CACNB2: variants seen among roughly 807,000 people sequenced by gnomAD.
The protein encoded by CACNB2 is calcium voltage-gated channel auxiliary subunit beta 2.
Under a neutral mutation model 73.3 loss-of-function variants are expected in CACNB2, and 42 were observed. The ratio of observed to expected loss-of-function variants is 0.57; its 90% confidence interval spans 0.45 to 0.74. The LOEUF (loss-of-function observed/expected upper bound fraction) is 0.74, where lower values mean the gene tolerates loss of function less well. CACNB2 is among the 30% of genes least tolerant of loss of function. CACNB2 has a pLI of 0.00. For missense variants in CACNB2, 940 were observed against 853.0 expected (o/e 1.10, Z -1.27); for synonymous variants, 348 against 310.3 (o/e 1.12, Z -1.28).
At chr10:18,260,686 G>C (rs2037496579) in intron 2 of CACNB2, 1 of 991,654 alleles carries the variant, frequency 1.0e-6, no homozygotes, top group African/African-American at 1.7e-5. Context: ...ACGTTACAGA[G>C]GTAACAGTGA....
chr10:18,144,936 T>C (rs1014061969), intron 1 of CACNB2, among the ~76,000 whole-genome samples: 4 of 152,076 alleles, frequency 2.6e-5, no homozygotes, highest in Non-Finnish European at 5.9e-5. Flanking sequence ...TGCGTGAAGG[T>C]TGGGTGAACG....
At chr10:18,424,315 G>T (rs1027947786) in intron 3 of CACNB2, among the ~76,000 whole-genome samples, 2 of 152,072 alleles carry the variant, frequency 1.3e-5, no homozygotes, top group Non-Finnish European at 2.9e-5. Flanking sequence ...AACAGCTGAG[G>T]GGAGTTTTGC....
At chr10:18,464,973 G>C (rs768760049) in intron 3 of CACNB2, among the ~76,000 whole-genome samples, 28 of 152,322 alleles carry the variant, frequency 1.8e-4, no homozygotes, top group East Asian at 1.3e-3. Context: ...AGGTGACTTC[G>C]TCTTGGGACT....
intron 2 of CACNB2, among the ~76,000 whole-genome samples, chr10:18,208,402 T>C (rs1219140993): frequency 6.6e-6 from 1 of 152,050 alleles, no homozygotes; most frequent in Admixed American, 6.6e-5. Flanking sequence ...CGCTTGAGCC[T>C]GGGAGTTCGA....
At chr10:18,433,991 G>C (rs1328348047) in intron 3 of CACNB2, among the ~76,000 whole-genome samples, 2 of 152,050 alleles carry the variant, frequency 1.3e-5, no homozygotes, top group Non-Finnish European at 2.9e-5. Flanking sequence ...ATTCCAGCAA[G>C]AGCTTCGGTA....
At chr10:18,378,745 A>T (rs374013802) in intron 2 of CACNB2, among the ~76,000 whole-genome samples, 13 of 152,280 alleles carry the variant, frequency 8.5e-5, no homozygotes, top group African/African-American at 2.9e-4. Context: ...CTGTCTCAAA[A>T]AATAGAAAAT....
At position 18,151,580 on chromosome 10, in the gene CACNB2, T is replaced by C. The variant is rs111753304; in HGVS notation, c.213+605T>C. ...ACAGACAGTGCCAGGCTCCCTAACA[T>C]ATAAACACGCTTATATATGGTAACA... On this transcript the variant is annotated intron_variant, in intron 2 of 13. Coordinates refer to ENST00000324631, the MANE Select transcript of CACNB2 (RefSeq NM_201596.3). Among the ~76,000 whole-genome samples the C allele has an allele frequency of 1.6e-3, 244 of 152,222 alleles. 2 individuals are homozygous for C. The highest frequency in any genetic ancestry group is 5.4e-3 in the African/African-American group (226 of 41,536).
intron 2 of CACNB2, among the ~76,000 whole-genome samples, chr10:18,231,236 G>A (rs2036213576): frequency 6.6e-6 from 1 of 152,120 alleles, no homozygotes; most frequent in Admixed American, 6.5e-5. Context: ...GAGTGCAGTG[G>A]CCCGATCTCG....
intron 2 of CACNB2, among the ~76,000 whole-genome samples, chr10:18,292,279 T>C (rs2039095744): frequency 6.6e-6 from 1 of 152,194 alleles, no homozygotes; most frequent in African/African-American, 2.4e-5. Flanking sequence ...GTAATTGCCC[T>C]CAATCAATGA....
chr10:18,340,839 CT>C, intron 2 of CACNB2: 1 of 1,613,322 alleles, frequency 6.2e-7, no homozygotes, highest in Non-Finnish European at 8.5e-7. Context: ...CAAAGCAAGA[CT>C]TGGCTGCCTT....
intron 3 of CACNB2, among the ~76,000 whole-genome samples, chr10:18,474,914 A>T (rs1247199846): frequency 6.6e-6 from 1 of 151,808 alleles, no homozygotes; most frequent in Non-Finnish European, 1.5e-5. Flanking sequence ...TCCCCACTTC[A>T]GATGCCAGTC....
intron 3 of CACNB2, among the ~76,000 whole-genome samples, chr10:18,429,609 T>C (rs1347992157): frequency 1.3e-5 from 2 of 151,428 alleles, no homozygotes; most frequent in Non-Finnish European, 2.9e-5. Flanking sequence ...GGGGTATCAC[T>C]TGTGCCCAGG....
chr10:18,525,862 T>C (rs1475336883), intron 9 of CACNB2, among the ~76,000 whole-genome samples: 1 of 152,224 alleles, frequency 6.6e-6, no homozygotes, highest in East Asian at 1.9e-4. Flanking sequence ...TTGCTTTTTT[T>C]CTATTTCTAT....
intron 2 of CACNB2, among the ~76,000 whole-genome samples, chr10:18,255,900 A>G (rs544438109): frequency 2.5e-4 from 38 of 152,208 alleles, no homozygotes; most frequent in Non-Finnish European, 4.9e-4. Flanking sequence ...TTCATTTCTT[A>G]TTATGAAAGA....
intron 2 of CACNB2, among the ~76,000 whole-genome samples, chr10:18,194,379 A>G (rs888495136): frequency 1.8e-4 from 25 of 137,006 alleles, no homozygotes; most frequent in Admixed American, 4.1e-4. Context: ...TGACAATGAG[A>G]CTCAAAGTTG....
intron 2 of CACNB2, among the ~76,000 whole-genome samples, chr10:18,163,925 G>A (rs1461862016): frequency 1.3e-5 from 2 of 152,156 alleles, no homozygotes; most frequent in Non-Finnish European, 2.9e-5. Context: ...TCCTAAGGCA[G>A]AGTGGAATTG....
chr10:18,150,590 G>A (rs1304319639), intron 1 of CACNB2, among the ~76,000 whole-genome samples: 2 of 152,220 alleles, frequency 1.3e-5, no homozygotes, highest in Non-Finnish European at 2.9e-5. Flanking sequence ...TTGAACCTGG[G>A]AGGCGGAGGT....
At chr10:18,159,032 T>C (rs1397192625) in intron 2 of CACNB2, among the ~76,000 whole-genome samples, 1 of 152,138 alleles carries the variant, frequency 6.6e-6, no homozygotes, top group Non-Finnish European at 1.5e-5. Context: ...TCTCTCTTCC[T>C]CCCTCCCTCC....
At chr10:18,418,596 C>T (rs1345706692) in intron 3 of CACNB2, among the ~76,000 whole-genome samples, 2 of 152,174 alleles carry the variant, frequency 1.3e-5, no homozygotes, top group Non-Finnish European at 1.5e-5. Context: ...TCCCAGCGGC[C>T]GTACTTCAAC....
Sources: gnomAD v4.1 joint callset for allele counts (sites outside exome capture counted in the v4.1 genomes callset) on GRCh38, gnomAD v4.1.1 for gene constraint, MANE v1.5 for transcripts, NCBI Gene and HGNC (gene_info 2026-07-23, HGNC 2026-07-21) for gene names.